HIVEP1: variants seen among roughly 807,000 people sequenced by gnomAD.
HIVEP1 encodes the protein HIVEP zinc finger 1.
A neutral mutation model predicts 180.0 loss-of-function variants in HIVEP1; 36 were observed. That is an observed-to-expected ratio of 0.20 (90% CI 0.15 to 0.26). HIVEP1 has a LOEUF of 0.26. Among genes scored for constraint, HIVEP1 ranks in the 10% least tolerant of loss-of-function variants. The pLI, the probability that HIVEP1 is intolerant of heterozygous loss-of-function variation, is 1.00. For synonymous variants in HIVEP1, 1,239 were observed against 1,239.0 expected (o/e 1.00, Z 0.00); for missense variants, 3,143 against 3,268.7 (o/e 0.96, Z 0.94).
intron 2 of HIVEP1, among the ~76,000 whole-genome samples, chr6:12,026,876 C>T (rs1768620698): frequency 6.6e-6 from 1 of 152,160 alleles, no homozygotes; most frequent in African/African-American, 2.4e-5. Flanking sequence ...TTAGTTTCTT[C>T]TTAGAGAACA....
intron 2 of HIVEP1, among the ~76,000 whole-genome samples, chr6:12,016,341 A>C (rs1767746506): frequency 6.6e-6 from 1 of 152,196 alleles, no homozygotes; most frequent in Non-Finnish European, 1.5e-5. Flanking sequence ...ATCAATGGTG[A>C]ATAGCAATTA....
At chr6:12,168,500 A>G (rs575072977), downstream of HIVEP1, among the ~76,000 whole-genome samples, 5 of 151,100 alleles carry the variant, frequency 3.3e-5, no homozygotes, top group East Asian at 7.7e-4. Context: ...ATGTTTTTCT[A>G]TACAAATTAT....
At chr6:12,193,926 A>G in the HIVEP1 span, among the ~76,000 whole-genome samples, 2 of 152,202 alleles carry the variant, frequency 1.3e-5, no homozygotes, top group African/African-American at 4.8e-5. Context: ...CTTTAATGAG[A>G]AACAATTAAT....
At position 12,125,441 on chromosome 6, in the gene HIVEP1, T is replaced by C. The variant is rs992453675; in HGVS notation, c.5646T>C (p.His1882=). ...CACCTGCTCCTTCAGAAAATACTCATATTTCTCCTTTGAAATGTACAGACA... is the reference window on the plus strand; with the variant it reads ...CACCTGCTCCTTCAGAAAATACTCACATTTCTCCTTTGAAATGTACAGACA... ...RSSPAPSENT[H]ISPLKCTDNN... is the part of the protein sequence containing the mutation. Residue 1882 remains histidine (H), a synonymous_variant, in exon 4 of 9, where the codon CAT becomes CAC. Coordinates refer to ENST00000379388, the MANE Select transcript of HIVEP1 (RefSeq NM_002114.4). 6 of 1,614,036 alleles carry C rather than the reference T, an allele frequency of 3.7e-6. No individual in the cohort carries two copies. The Admixed American group carries it at 6.7e-5, about 18-fold the overall frequency.
chr6:12,106,292 T>C (rs1016226768), intron 3 of HIVEP1, among the ~76,000 whole-genome samples: 1 of 152,090 alleles, frequency 6.6e-6, no homozygotes, highest in Admixed American at 6.5e-5. Context: ...AAGAGTAAAA[T>C]TTTTTATTGT....
intron 2 of HIVEP1, among the ~76,000 whole-genome samples, chr6:12,017,582 A>G (rs1175017797): frequency 1.3e-5 from 2 of 152,104 alleles, no homozygotes; most frequent in Non-Finnish European, 1.5e-5. Context: ...GTCTGGCCCC[A>G]CCCACATCCT....
chr6:12,030,370 A>G (rs1350092529), intron 2 of HIVEP1, among the ~76,000 whole-genome samples: 1 of 151,938 alleles, frequency 6.6e-6, no homozygotes, highest in African/African-American at 2.4e-5. Context: ...TTATTTCTTC[A>G]TATATTTTTT....
the HIVEP1 span, among the ~76,000 whole-genome samples, chr6:12,210,774 T>C: frequency 6.6e-6 from 1 of 152,132 alleles, no homozygotes; most frequent in Non-Finnish European, 1.5e-5. Flanking sequence ...TCAGATGAAG[T>C]TCCTCATCAG....
At chr6:12,042,160 A>G (rs192426563) in intron 2 of HIVEP1, among the ~76,000 whole-genome samples, 8 of 149,044 alleles carry the variant, frequency 5.4e-5, no homozygotes, top group Non-Finnish European at 1.0e-4. Flanking sequence ...GCTCACTGCA[A>G]GCTCCGCTTC....
At chr6:12,131,943 G>A (rs1450950278) in intron 6 of HIVEP1, among the ~76,000 whole-genome samples, 5 of 152,102 alleles carry the variant, frequency 3.3e-5, no homozygotes, top group Middle Eastern at 3.4e-3. Context: ...TTTTTGGCTA[G>A]TATTTATGGG....
At position 12,124,722 on chromosome 6, in the gene HIVEP1, A is replaced by G. The variant is rs1212693699; in HGVS notation, c.4927A>G (p.Ser1643Gly). Residue 1643 changes from serine (S) to glycine (G), a missense_variant, in exon 4 of 9, where the codon AGT (serine) becomes GGT (glycine). Physicochemically the swap from Ser to Gly is moderately conservative, Grantham distance 56. Around this residue, in one of 12 missense-constraint regions of HIVEP1, gnomAD observed 1,357 missense variants for 1,260.5 expected, o/e 1.08. Transcript: ENST00000379388. The stretch of plus-strand genomic sequence containing the variant: ...CATGCTGCCCATACGCCTGCAGAGT[A>G]GTGTTCCTGCTTACTGTTTTGCTAC... Reference protein sequence around the residue: ...SFMLPIRLQSSVPAYCFATLT... With the variant: ...SFMLPIRLQSGVPAYCFATLT... The G allele has an allele frequency of 6.2e-7, 1 of 1,614,184 alleles. No individual in the cohort carries two copies. Among genetic ancestry groups the G allele is most frequent in the African/African-American group, 1.3e-5 (1 of 75,038 alleles).
chr6:12,140,626 A>C (rs1222704708), intron 7 of HIVEP1, among the ~76,000 whole-genome samples: 1 of 152,222 alleles, frequency 6.6e-6, no homozygotes, highest in Non-Finnish European at 1.5e-5. Flanking sequence ...ACCTTGAAAA[A>C]AGCTTAGACA....
At chr6:12,111,133 A>G (rs1460883279) in intron 3 of HIVEP1, among the ~76,000 whole-genome samples, 3 of 152,254 alleles carry the variant, frequency 2.0e-5, no homozygotes, top group Non-Finnish European at 4.4e-5. Context: ...AACAAAGATC[A>G]CTGATCAAAG....
intron 4 of HIVEP1, among the ~76,000 whole-genome samples, chr6:12,127,645 A>G (rs1758167831): frequency 6.6e-6 from 1 of 152,196 alleles, no homozygotes; most frequent in African/African-American, 2.4e-5. Flanking sequence ...CTCAGGGTAT[A>G]AAGAAGAGGA....
intron 2 of HIVEP1, among the ~76,000 whole-genome samples, chr6:12,079,456 C>G (rs1383673340): frequency 6.6e-6 from 1 of 152,062 alleles, no homozygotes; most frequent in Non-Finnish European, 1.5e-5. Context: ...CTTTTCCTTC[C>G]TTATCTTCCT....
chr6:12,041,408 C>A (rs1347522545), intron 2 of HIVEP1, among the ~76,000 whole-genome samples: 4 of 110,614 alleles, frequency 3.6e-5, no homozygotes, highest in Non-Finnish European at 5.1e-5. Flanking sequence ...GGCGACAGAG[C>A]GAGACTCCGT....
the HIVEP1 span, among the ~76,000 whole-genome samples, chr6:12,181,119 G>T: frequency 2.6e-5 from 4 of 152,162 alleles, no homozygotes; most frequent in East Asian, 7.8e-4. Context: ...CCAGCACTTT[G>T]GGAGGCCGAG....
At chr6:12,139,553 C>G (rs554581100) in intron 7 of HIVEP1, among the ~76,000 whole-genome samples, 1 of 152,248 alleles carries the variant, frequency 6.6e-6, no homozygotes, top group East Asian at 1.9e-4. Flanking sequence ...CCAGGAAGCA[C>G]AAGGGGTCAG....
rs1339176048 is a variant in HIVEP1 at position 12,122,197 on chromosome 6, G to A, written c.2402G>A (p.Arg801Gln). The A allele has an allele frequency of 6.2e-6, 10 of 1,614,184 alleles. No homozygotes were observed. Among genetic ancestry groups the A allele is most frequent in the East Asian group, 4.5e-5 (2 of 44,890 alleles). ...CAGTTTGATTTAAAACCAGTGGGAC[G>A]GAGAACAAGTTCAAGCTCTGATATA... ...SFQFDLKPVG[R>Q]RTSSSSDIPK... is the part of the protein sequence containing the mutation. The change falls in exon 4 of 9, where the codon CGG (arginine) becomes CAG (glutamine). Residue 801 changes from arginine to glutamine, a missense_variant. Physicochemically the swap from Arg to Gln is conservative, Grantham distance 43 (BLOSUM62 1). This residue lies in a region of HIVEP1 where 204 missense variants were observed against 243.7 expected (regional missense o/e 0.84). Coordinates refer to ENST00000379388, the MANE Select transcript of HIVEP1 (RefSeq NM_002114.4).
Sources: allele counts gnomAD v4.1 joint callset (sites outside exome capture counted in the v4.1 genomes callset), GRCh38; gene constraint gnomAD v4.1.1; regional missense constraint gnomAD v4.1.1; transcripts MANE v1.5; gene names NCBI Gene and HGNC (gene_info 2026-07-23, HGNC 2026-07-21).